Variants in TRPM1 observed in about 807,000 individuals in gnomAD.
TRPM1 encodes the protein TRPM1-203 APA Isoform, Intron 10.
A neutral mutation model predicts 149.4 loss-of-function variants in TRPM1; 113 were observed. The observed-to-expected ratio is 0.76, with a 90% confidence interval of 0.65 to 0.88. TRPM1 has a LOEUF of 0.88. Ranked by LOEUF, TRPM1 falls within the 40% of genes least tolerant of loss-of-function variation. TRPM1 has a pLI of 0.00. For synonymous variants in TRPM1, 741 were observed against 759.5 expected (o/e 0.98, Z 0.40); for missense variants, 1,976 against 2,038.7 (o/e 0.97, Z 0.59).
chr15:31,017,689 T>C (rs2032414368), intron 27 of TRPM1, among the ~76,000 whole-genome samples: 1 of 152,238 alleles, frequency 6.6e-6, no homozygotes, highest in South Asian at 2.1e-4. Context: ...TTGGGGTATA[T>C]CTATTATTAA....
At chr15:31,119,209 C>G (rs1224550826) in intron 1 of TRPM1, among the ~76,000 whole-genome samples, 1 of 151,682 alleles carries the variant, frequency 6.6e-6, no homozygotes, top group Non-Finnish European at 1.5e-5. Flanking sequence ...CCATCGCACT[C>G]CAGCCTGGGC....
chr15:31,064,381 G>T (rs745802242), intron 7 of TRPM1, among the ~76,000 whole-genome samples: 1 of 152,134 alleles, frequency 6.6e-6, no homozygotes, highest in Non-Finnish European at 1.5e-5. Flanking sequence ...GAACACAGTG[G>T]GTACCAACTA....
At chr15:31,149,740 C>T (rs278355) in intron 1 of TRPM1, among the ~76,000 whole-genome samples, 6 of 151,916 alleles carry the variant, frequency 3.9e-5, no homozygotes, top group East Asian at 3.9e-4. Flanking sequence ...AGGATGGTCT[C>T]GATCTCCTGA....
Position 31,125,717 on chromosome 15 carries a change from G to T in TRPM1, c.54+35189C>A, listed in dbSNP as rs569068598. On this transcript the variant is annotated intron_variant, in intron 1 of 26. Transcript: ENST00000542188. The stretch of plus-strand genomic sequence containing the variant: ...TGCACTCCAGCCTGGGCGACAGAGC[G>T]AGACTCCGTCTCAAAAAAAAAAAAA... Among the ~76,000 whole-genome samples the T allele has an allele frequency of 1.9e-3, 171 of 90,290 alleles. 1 individual carries two copies. The highest frequency in any genetic ancestry group is 2.7e-3 in the Non-Finnish European group (142 of 51,724). 59.2% of individuals were successfully genotyped at this position (90,290 alleles called of 152,430 possible).
At position 31,066,103 on chromosome 15, in the gene TRPM1, G is replaced by GC; in HGVS notation, c.762dup (p.His255AlafsTer27). ...GTGTTGATCTTCTGCAGGGAGATGT[G>GC]CTTTTCCAGCAGCCTTCGCAGCTTC... On this transcript the variant is annotated frameshift_variant, in exon 7 of 28. Transcript: ENST00000256552. LOFTEE classifies it high-confidence loss of function. The GC allele has an allele frequency of 6.8e-6, 11 of 1,613,980 alleles. No individual in the cohort carries two copies. The highest frequency in any genetic ancestry group is 9.3e-6 in the Non-Finnish European group (11 of 1,180,002).
intron 27 of TRPM1, among the ~76,000 whole-genome samples, chr15:31,015,933 T>C (rs554546738): frequency 6.6e-6 from 1 of 152,232 alleles, no homozygotes; most frequent in African/African-American, 2.4e-5. Context: ...AAACATGCCG[T>C]CATCATCAAA....
intron 1 of TRPM1, among the ~76,000 whole-genome samples, chr15:31,094,346 A>G (rs762898581): frequency 2.6e-5 from 4 of 152,252 alleles, no homozygotes; most frequent in Non-Finnish European, 4.4e-5. Flanking sequence ...GAAAAGAAAA[A>G]GCAGGTAAGT....
Position 31,042,099 on chromosome 15 carries a change from G to C in TRPM1, c.1939C>G (p.Gln647Glu). The C allele has an allele frequency of 6.2e-7, 1 of 1,614,198 alleles. No homozygotes were observed. Among genetic ancestry groups the C allele is most frequent in the Non-Finnish European group, 8.5e-7 (1 of 1,180,028 alleles). Reference sequence around the variant, plus strand: ...TGCCAGAGGAACACTGCCATTTTCTGGCGTTTCATCAGCACTGCCCACACC... The same window carrying C: ...TGCCAGAGGAACACTGCCATTTTCTCGCGTTTCATCAGCACTGCCCACACC... Reference protein sequence around the residue: ...LMVWAVLMKRQKMAVFLWQRG... With the variant: ...LMVWAVLMKREKMAVFLWQRG... Residue 647 changes from glutamine to glutamate, a missense_variant, in exon 17 of 28, where the codon CAG (glutamine) becomes GAG (glutamate). Physicochemically the swap from Gln to Glu is conservative, Grantham distance 29. Around this residue, in one of 3 missense-constraint regions of TRPM1, gnomAD observed 1,332 missense variants for 1,347.1 expected, o/e 0.99. Coordinates refer to ENST00000256552, the MANE Select transcript of TRPM1 (RefSeq NM_001252024.2).
chr15:31,123,011 G>A (rs181570625), intron 1 of TRPM1, among the ~76,000 whole-genome samples: 46 of 152,340 alleles, frequency 3.0e-4, no homozygotes, highest in Admixed American at 2.9e-3. Context: ...TAATGCAACA[G>A]AGCAGACAGC....
At chr15:31,025,274 G>T (rs892849241) in intron 27 of TRPM1, among the ~76,000 whole-genome samples, 1 of 152,168 alleles carries the variant, frequency 6.6e-6, no homozygotes. Context: ...CAGTCACCAA[G>T]ATCTTTAGCA....
At chr15:31,032,619 C>T in intron 22 of TRPM1, 70 bp downstream of exon 22, 6 of 1,593,252 alleles carry the variant, frequency 3.8e-6, no homozygotes, top group Non-Finnish European at 3.4e-6. Flanking sequence ...GAAGCCATGC[C>T]CAAGGCCTGT....
rs77407880 is a variant in TRPM1, at chr15:31,113,116, T to A, written c.55-36132A>T. 6.3e-3 allele frequency among the ~76,000 whole-genome samples: 957 copies of A among 152,236 alleles called. 13 individuals are homozygous for A. Among genetic ancestry groups the A allele is most frequent in the African/African-American group, 0.022 (917 of 41,542 alleles). ...CCAGGGCTGCTGTCTTGGCTTTAGGTAGCTAAGATCACCTCTCACTGTGTC... is the reference window on the plus strand; with the variant it reads ...CCAGGGCTGCTGTCTTGGCTTTAGGAAGCTAAGATCACCTCTCACTGTGTC... On this transcript the variant is annotated intron_variant, in intron 1 of 26. Coordinates refer to the TRPM1 transcript ENST00000542188.
intron 27 of TRPM1, among the ~76,000 whole-genome samples, chr15:31,020,074 C>T (rs2032505311): frequency 6.6e-6 from 1 of 152,186 alleles, no homozygotes; most frequent in African/African-American, 2.4e-5. Context: ...TGTATGCTGC[C>T]TCATTTAAAC....
chr15:31,063,298 AC>A lies in TRPM1; in HGVS notation c.791-7del, dbSNP rs2034287317. On this transcript the variant is annotated splice_region_variant and splice_polypyrimidine_tract_variant and intron_variant, in intron 7 of 27. Transcript: ENST00000256552. ...GGGCACGCCCTGCCCCAGTCCTGCAACACAAACCACATTCGCCCATACCACC... is the reference window on the plus strand; with the variant it reads ...GGGCACGCCCTGCCCCAGTCCTGCAAACAAACCACATTCGCCCATACCACC... 5 of 1,613,964 alleles carry A rather than the reference AC, an allele frequency of 3.1e-6. No individual in the cohort carries two copies. Among genetic ancestry groups the A allele is most frequent in the Admixed American group, 1.7e-5 (1 of 59,994 alleles).
At chr15:31,083,095 C>T (rs1042050754) in intron 1 of TRPM1, among the ~76,000 whole-genome samples, 5 of 152,066 alleles carry the variant, frequency 3.3e-5, no homozygotes, top group Admixed American at 2.6e-4. Context: ...GGACATGGCT[C>T]GGGGAAGTGG....
At chr15:31,082,698 A>G (rs1162900768) in intron 1 of TRPM1, among the ~76,000 whole-genome samples, 1 of 152,116 alleles carries the variant, frequency 6.6e-6, no homozygotes, top group African/African-American at 2.4e-5. Context: ...GTACTTATTT[A>G]TTTTTTAAAG....
At chr15:31,153,061 A>G (rs997557759) in intron 1 of TRPM1, among the ~76,000 whole-genome samples, 1 of 152,226 alleles carries the variant, frequency 6.6e-6, no homozygotes, top group Non-Finnish European at 1.5e-5. Flanking sequence ...ACCCTAAAAT[A>G]TATTTCTTTG....
chr15:31,118,818 G>A (rs1391672043), intron 1 of TRPM1, among the ~76,000 whole-genome samples: 2 of 152,120 alleles, frequency 1.3e-5, no homozygotes, highest in Admixed American at 6.6e-5. Flanking sequence ...TGAAGGTTCT[G>A]TCTTCATGAC....
At chr15:31,088,799 T>C (rs1299585699) in intron 1 of TRPM1, among the ~76,000 whole-genome samples, 1 of 93,294 alleles carries the variant, frequency 1.1e-5, no homozygotes, top group African/African-American at 4.6e-5. Flanking sequence ...ACGTTCTTTC[T>C]GCTGGGGGGA....
Sources: allele counts gnomAD v4.1 joint callset (sites outside exome capture counted in the v4.1 genomes callset), GRCh38; gene constraint gnomAD v4.1.1; regional missense constraint gnomAD v4.1.1; transcripts MANE v1.5; gene names NCBI Gene and HGNC (gene_info 2026-07-23, HGNC 2026-07-21).